The following SEZ6L variants were observed in gnomAD, a reference collection of about 807,000 sequenced individuals.
The protein encoded by SEZ6L is seizure 6-like protein.
SEZ6L carries 37 observed loss-of-function variants against 106.2 expected under a neutral mutation model. That is an observed-to-expected ratio of 0.35 (90% confidence interval 0.27 to 0.46). The LOEUF is 0.46. Ranked by LOEUF, SEZ6L falls within the 20% of genes least tolerant of loss-of-function variation. SEZ6L has a pLI of 1.00. For synonymous variants in SEZ6L, 541 were observed against 570.4 expected (o/e 0.95, Z 0.73); for missense variants, 1,172 against 1,332.8 (o/e 0.88, Z 1.88).
chr22:26,227,085 G>A lies in SEZ6L; in HGVS notation c.94+57322G>A, dbSNP rs1016675274. On this transcript the variant is annotated intron_variant, in intron 1 of 16. Coordinates refer to ENST00000248933, the MANE Select transcript of SEZ6L (RefSeq NM_021115.5). ...TACAAGCTCCATGAACATGTGCACC[G>A]TGTCTATTTTTGTTCCCCACGCATC... 6.6e-5 allele frequency among the ~76,000 whole-genome samples: 10 copies of A among 152,148 alleles called. No homozygotes were observed. The East Asian group carries it at 7.7e-4, about 12-fold the overall frequency.
rs373217939 is a variant in SEZ6L at position 26,373,375 on chromosome 22, A to T, written c.2795-76A>T. On this transcript the variant is annotated intron_variant, in intron 13 of 16. Coordinates refer to ENST00000248933, the MANE Select transcript of SEZ6L (RefSeq NM_021115.5). ...AAGCATGGCATGGGCTTTTGCATCAAATTTTTTGGCCTCATTTCATGCAAA... is the reference window on the plus strand; with the variant it reads ...AAGCATGGCATGGGCTTTTGCATCATATTTTTTGGCCTCATTTCATGCAAA... 1.7e-5 allele frequency: 23 copies of T among 1,340,630 alleles called. No homozygotes were observed. In the African/African-American group the frequency reaches 3.3e-4, roughly 19 times the overall value. The allele number at this position is 1,340,630 out of a possible 1,614,324, so 83.0% of individuals were successfully genotyped here.
chr22:26,350,734 T>G (rs1043007664), intron 11 of SEZ6L, among the ~76,000 whole-genome samples: 3 of 151,278 alleles, frequency 2.0e-5, no homozygotes, highest in Non-Finnish European at 4.4e-5. Context: ...TCGGCTCACT[T>G]CAAGCTCCGC....
intron 11 of SEZ6L, 50 bp from the exon 12 acceptor site, chr22:26,351,002 T>C: frequency 6.5e-7 from 1 of 1,545,976 alleles, no homozygotes; most frequent in East Asian, 2.3e-5. Flanking sequence ...AGCAAACCCA[T>C]GGTCATCCAG....
intron 5 of SEZ6L, among the ~76,000 whole-genome samples, chr22:26,304,826 T>A (rs150635193): frequency 3.9e-5 from 6 of 152,324 alleles, no homozygotes; most frequent in African/African-American, 1.4e-4. Context: ...GAGAACATGG[T>A]ATTTAGTTTC....
intron 11 of SEZ6L, among the ~76,000 whole-genome samples, chr22:26,349,386 C>G (rs1185965912): frequency 6.6e-6 from 1 of 152,132 alleles, no homozygotes; most frequent in Admixed American, 6.5e-5. Flanking sequence ...AGTACCCAGG[C>G]AGTAGTAAAA....
At chr22:26,252,038 C>G (rs9625004) in intron 1 of SEZ6L, among the ~76,000 whole-genome samples, 2,137 of 152,268 alleles carry the variant, frequency 0.014, 52 homozygotes, top group African/African-American at 0.049. Context: ...GCGGCGGCAG[C>G]AGCAGCATCA....
At chr22:26,254,593 G>A (rs2079742076) in intron 1 of SEZ6L, among the ~76,000 whole-genome samples, 2 of 152,256 alleles carry the variant, frequency 1.3e-5, no homozygotes, top group East Asian at 3.9e-4. Flanking sequence ...ACTCCAGCCT[G>A]GGTGATGAAA....
intron 1 of SEZ6L, among the ~76,000 whole-genome samples, chr22:26,195,287 A>G (rs980449626): frequency 6.6e-6 from 1 of 152,190 alleles, no homozygotes; most frequent in Non-Finnish European, 1.5e-5. Flanking sequence ...AACTCTTCAG[A>G]GTATTAGGAA....
intron 1 of SEZ6L, among the ~76,000 whole-genome samples, chr22:26,272,960 A>T (rs2080416471): frequency 6.6e-6 from 1 of 152,212 alleles, no homozygotes; most frequent in Non-Finnish European, 1.5e-5. Flanking sequence ...TCCCCACATG[A>T]CAGAGTAGTT....
In SEZ6L at chr22:26,310,255, A is replaced by T. The variant is rs117257460; in HGVS notation, c.1515-415A>T. Reference sequence around the variant, plus strand: ...TGAGCACATAAGAGGTAAAGTCAGGACTGGGCGTGGTGGCTCACGCCTGTA... The same window carrying T: ...TGAGCACATAAGAGGTAAAGTCAGGTCTGGGCGTGGTGGCTCACGCCTGTA... On this transcript the variant is annotated intron_variant, in intron 6 of 16. Coordinates refer to ENST00000248933, the MANE Select transcript of SEZ6L (RefSeq NM_021115.5). Among the ~76,000 whole-genome samples the T allele has an allele frequency of 4.1e-3, 631 of 152,254 alleles. 10 individuals carry two copies. The East Asian group carries it at 0.059, about 14-fold the overall frequency.
intron 1 of SEZ6L, among the ~76,000 whole-genome samples, chr22:26,232,275 T>C (rs1011389636): frequency 1.3e-5 from 2 of 151,556 alleles, no homozygotes; most frequent in Admixed American, 1.3e-4. Context: ...TGAAAGGAAG[T>C]AGCAATATGA....
At chr22:26,304,368 AG>A (rs2081552801) in intron 5 of SEZ6L, among the ~76,000 whole-genome samples, 1 of 77,422 alleles carries the variant, frequency 1.3e-5, no homozygotes, top group African/African-American at 6.2e-5. Flanking sequence ...AAAAAAAGAA[AG>A]AAGAAAGAAA....
At position 26,375,643 on chromosome 22, in the gene SEZ6L, C is replaced by G. The variant is rs1277180488; in HGVS notation, c.2896C>G (p.Leu966Val). 1 of 1,614,154 alleles carries G rather than the reference C, an allele frequency of 6.2e-7. No homozygotes were observed. Among genetic ancestry groups the G allele is most frequent in the Non-Finnish European group, 8.5e-7 (1 of 1,180,022 alleles). Residue 966 changes from leucine to valine, a missense_variant, in exon 15 of 17, where the codon CTC becomes GTC. Transcript: ENST00000248933. ...NMALAIFIPV[L>V]IISLLLGGAY... Reference sequence around the variant, plus strand: ...GGCCCTGGCTATCTTCATCCCGGTCCTCATCATCTCCTTACTGCTGGGAGG... The same window carrying G: ...GGCCCTGGCTATCTTCATCCCGGTCGTCATCATCTCCTTACTGCTGGGAGG...
chr22:26,298,833 G>C, intron 4 of SEZ6L, 151 bp from the exon 5 acceptor site: 1 of 630,208 alleles, frequency 1.6e-6, no homozygotes, highest in South Asian at 3.5e-5. Context: ...TATGATCAAA[G>C]AGAGTCACAA....
At chr22:26,274,742 C>T (rs148768143) in intron 1 of SEZ6L, among the ~76,000 whole-genome samples, 25 of 152,300 alleles carry the variant, frequency 1.6e-4, no homozygotes, top group African/African-American at 4.1e-4. Context: ...CTTTCCTCTC[C>T]GTGTGGGGCC....
intron 1 of SEZ6L, among the ~76,000 whole-genome samples, chr22:26,175,695 G>T (rs1938943872): frequency 6.6e-6 from 1 of 152,156 alleles, no homozygotes; most frequent in Non-Finnish European, 1.5e-5. Flanking sequence ...TTATGTGACT[G>T]CTTGCAATTT....
At chr22:26,342,609 T>C (rs2082873326) in intron 10 of SEZ6L, among the ~76,000 whole-genome samples, 1 of 151,792 alleles carries the variant, frequency 6.6e-6, no homozygotes, top group Non-Finnish European at 1.5e-5. Flanking sequence ...GGCAGGAGAA[T>C]TGCTTGAGCC....
At chr22:26,194,629 T>C (rs896340733) in intron 1 of SEZ6L, among the ~76,000 whole-genome samples, 2 of 152,188 alleles carry the variant, frequency 1.3e-5, no homozygotes, top group Non-Finnish European at 2.9e-5. Context: ...TGAGGGATCA[T>C]GGGGAAGAGA....
intron 1 of SEZ6L, among the ~76,000 whole-genome samples, chr22:26,186,988 G>A (rs17372137): frequency 0.011 from 1,609 of 152,282 alleles, 24 homozygotes; most frequent in South Asian, 0.084. Flanking sequence ...AGGACTTGAA[G>A]GAGTTAATTC....
Sources: gnomAD v4.1 joint callset for allele counts (sites outside exome capture counted in the v4.1 genomes callset) on GRCh38, gnomAD v4.1.1 for gene constraint, MANE v1.5 for transcripts, NCBI Gene and HGNC (gene_info 2026-07-23, HGNC 2026-07-21) for gene names.